PRKN: variants seen among roughly 807,000 people sequenced by gnomAD.
PRKN encodes E3 ubiquitin-protein ligase parkin.
A neutral mutation model predicts 59.5 loss-of-function variants in PRKN; 56 were observed. That is an observed-to-expected ratio of 0.94 (90% CI 0.76 to 1.18). PRKN has a LOEUF of 1.18. Ranked by LOEUF, PRKN falls within the 50% of genes most tolerant of loss-of-function variation. The probability of loss-of-function intolerance (pLI) is 0.00; values close to 1 mark genes in which losing one functional copy is unlikely to be tolerated. For missense variants in PRKN, 657 were observed against 596.4 expected (o/e 1.10, Z -1.06); for synonymous variants, 250 against 222.1 (o/e 1.13, Z -1.12).
intron 1 of PRKN, among the ~76,000 whole-genome samples, chr6:162,542,187 CTTAG>C (rs902185081): frequency 6.6e-6 from 1 of 152,120 alleles, no homozygotes; most frequent in Non-Finnish European, 1.5e-5. Context: ...AGGGATATTA[CTTAG>C]TATTTCATCT....
chr6:161,545,331 T>C lies in PRKN; in HGVS notation c.1083+3523A>G, dbSNP rs756145599. ...AGGGCTTTTTCCACATCTGGAACTC[T>C]GTAATTCTTCTATAGCTTTGCTACC... On this transcript the variant is annotated intron_variant, in intron 9 of 11. Coordinates refer to ENST00000366898, the MANE Select transcript of PRKN (RefSeq NM_004562.3). The surrounding 1 kb of genome is among the most constrained non-coding windows in gnomAD (Gnocchi z 4.1). 9.7e-5 allele frequency: 155 copies of C among 1,595,202 alleles called. No individual in the cohort carries two copies. Among genetic ancestry groups the C allele is most frequent in the Non-Finnish European group, 1.3e-4 (148 of 1,170,456 alleles).
At chr6:162,322,116 A>C (rs1170228384) in intron 2 of PRKN, among the ~76,000 whole-genome samples, 1 of 152,084 alleles carries the variant, frequency 6.6e-6, no homozygotes, top group Non-Finnish European at 1.5e-5. Flanking sequence ...ATGTCATTAA[A>C]ACTAATAAGT....
intron 2 of PRKN, among the ~76,000 whole-genome samples, chr6:162,377,072 T>C (rs570189637): frequency 1.3e-5 from 2 of 152,216 alleles, no homozygotes; most frequent in Non-Finnish European, 2.9e-5. Context: ...ACGAGGACGT[T>C]CTGGTTGCAC....
At position 161,460,882 on chromosome 6, in the gene PRKN, T is replaced by A. The variant is rs1668703275; in HGVS notation, c.1084-74005A>T. On this transcript the variant is annotated intron_variant, in intron 9 of 11. Coordinates refer to ENST00000366898, the MANE Select transcript of PRKN (RefSeq NM_004562.3). This position sits in a 1 kb window ranked among gnomAD's most constrained non-coding sequence, Gnocchi z 5.0. ...CTCCTGCCTCGGCCTCCCAAGTAGC[T>A]GGGACTACAGGTACGCACCACCACG... 6.6e-6 allele frequency among the ~76,000 whole-genome samples: 1 copy of A among 151,808 alleles called. No homozygotes were observed. Among genetic ancestry groups the A allele is most frequent in the African/African-American group, 2.4e-5 (1 of 41,338 alleles).
intron 4 of PRKN, among the ~76,000 whole-genome samples, chr6:162,062,375 A>G (rs1308834181): frequency 6.6e-6 from 1 of 152,196 alleles, no homozygotes; most frequent in Non-Finnish European, 1.5e-5. Context: ...GGCTGGGAGC[A>G]CAGAGTGGGA....
intron 2 of PRKN, among the ~76,000 whole-genome samples, chr6:162,286,185 G>T (rs1781182281): frequency 1.3e-5 from 2 of 151,240 alleles, no homozygotes; most frequent in African/African-American, 4.9e-5. Context: ...AAACAGAGCT[G>T]TAAATGTATA....
chr6:162,594,097 C>T (rs1781407618), intron 1 of PRKN, among the ~76,000 whole-genome samples: 1 of 151,248 alleles, frequency 6.6e-6, no homozygotes, highest in African/African-American at 2.5e-5. Flanking sequence ...TTGCGGTCAG[C>T]AGAGATTGTA....
At chr6:162,276,971 G>A (rs1780663543) in intron 2 of PRKN, among the ~76,000 whole-genome samples, 1 of 151,944 alleles carries the variant, frequency 6.6e-6, no homozygotes. Flanking sequence ...TTGATAACAG[G>A]TTATAATACA....
intron 7 of PRKN, among the ~76,000 whole-genome samples, chr6:161,685,656 C>T (rs1785525398): frequency 6.6e-6 from 1 of 152,148 alleles, no homozygotes; most frequent in Admixed American, 6.5e-5. Context: ...CAGCCAAGTA[C>T]GAGCCTGAGG....
At chr6:162,201,004 A>T in intron 4 of PRKN, 127 bp downstream of exon 4, 1 of 1,084,002 alleles carries the variant, frequency 9.2e-7, no homozygotes, top group Admixed American at 1.8e-5. Flanking sequence ...ATTAACTATC[A>T]CAACCACAGA....
At chr6:161,712,956 C>A (rs1035020436) in intron 7 of PRKN, among the ~76,000 whole-genome samples, 1 of 152,076 alleles carries the variant, frequency 6.6e-6, no homozygotes, top group Non-Finnish European at 1.5e-5. Context: ...CTGATTCTAC[C>A]TACCTGGAAA....
At chr6:162,355,928 T>C (rs1583431400) in intron 2 of PRKN, among the ~76,000 whole-genome samples, 1 of 152,204 alleles carries the variant, frequency 6.6e-6, no homozygotes, top group South Asian at 2.1e-4. Context: ...AAAGATCAAC[T>C]CATCAAAAGA....
intron 1 of PRKN, among the ~76,000 whole-genome samples, chr6:162,560,720 T>C (rs936778025): frequency 6.6e-6 from 1 of 152,020 alleles, no homozygotes; most frequent in Non-Finnish European, 1.5e-5. Context: ...ATTTGCAAAA[T>C]GTGGCAAAAA....
At chr6:162,691,208 G>A (rs1029971552) in intron 1 of PRKN, among the ~76,000 whole-genome samples, 1 of 151,660 alleles carries the variant, frequency 6.6e-6, no homozygotes, top group Non-Finnish European at 1.5e-5. Flanking sequence ...ATATATAGTT[G>A]GAAATGTAAA....
chr6:161,524,489 C>T (rs1286739386), intron 9 of PRKN, among the ~76,000 whole-genome samples: 1 of 152,104 alleles, frequency 6.6e-6, no homozygotes, highest in African/African-American at 2.4e-5. Context: ...AGAACTACGG[C>T]TGCATGCCCC....
intron 1 of PRKN, among the ~76,000 whole-genome samples, chr6:162,606,078 G>T (rs9365473): frequency 0.21 from 31,487 of 152,010 alleles, 3,616 homozygotes; most frequent in East Asian, 0.5. Context: ...AAAGATCAAT[G>T]TGCCTACAAT....
intron 4 of PRKN, among the ~76,000 whole-genome samples, chr6:162,132,213 G>A (rs903000992): frequency 3.9e-5 from 6 of 152,162 alleles, no homozygotes; most frequent in African/African-American, 7.2e-5. Flanking sequence ...GGAAGTAGTC[G>A]TGAAAAGGCA....
chr6:162,474,069 C>T lies in PRKN; in HGVS notation c.8-30596G>A, dbSNP rs575757720. On this transcript the variant is annotated intron_variant, in intron 1 of 11. Transcript: ENST00000366898. ...ATTCCAGGATAGCTGATTTGTTTTA[C>T]TAGTAACAGAAACGCCCTTTGCCAC... 3.3e-5 allele frequency among the ~76,000 whole-genome samples: 5 copies of T among 152,200 alleles called. No homozygotes were observed. In the South Asian group the frequency reaches 8.3e-4, roughly 25 times the overall value.
chr6:162,240,781 T>A (rs1778954033), intron 3 of PRKN, among the ~76,000 whole-genome samples: 1 of 152,174 alleles, frequency 6.6e-6, no homozygotes, highest in Middle Eastern at 3.2e-3. Flanking sequence ...GAGAGGGAAA[T>A]AAATCAATAC....
Sources: gnomAD v4.1 joint callset for allele counts (sites outside exome capture counted in the v4.1 genomes callset) on GRCh38, gnomAD v4.1.1 for gene constraint, Gnocchi (gnomAD v3.1) non-coding constraint, MANE v1.5 for transcripts, NCBI Gene and HGNC (gene_info 2026-07-23, HGNC 2026-07-21) for gene names.